Variants in PCNX2 observed in about 807,000 individuals in gnomAD.
The protein encoded by PCNX2 is pecanex-like protein 2.
PCNX2 carries 168 observed loss-of-function variants against 223.8 expected under a neutral mutation model. The ratio of observed to expected loss-of-function variants is 0.75; its 90% CI spans 0.66 to 0.85. The LOEUF (loss-of-function observed/expected upper bound fraction) is 0.85. Among genes scored for constraint, PCNX2 ranks in the 40% least tolerant of loss-of-function variants. PCNX2 has a pLI of 0.00. For missense variants in PCNX2, 2,507 were observed against 2,675.5 expected, an observed-to-expected ratio of 0.94 and a Z score of 1.39; for synonymous variants, 1,006 against 1,052.6, an observed-to-expected ratio of 0.96 and a Z score of 0.86.
At chr1:233,290,662 G>A in intron 1 of PCNX2, 3 of 821,558 alleles carry the variant, frequency 3.7e-6, no homozygotes, top group Non-Finnish European at 4.4e-6. Context: ...CTTACTATTT[G>A]CCTAGTGCTA....
At chr1:233,207,129 G>A (rs182668085) in intron 13 of PCNX2, among the ~76,000 whole-genome samples, 1 of 152,266 alleles carries the variant, frequency 6.6e-6, no homozygotes, top group African/African-American at 2.4e-5. Flanking sequence ...TTGGGCACTG[G>A]GGGAGTAAGA....
chr1:233,270,782 A>T (rs972924356), intron 1 of PCNX2, among the ~76,000 whole-genome samples: 35 of 152,144 alleles, frequency 2.3e-4, no homozygotes, highest in African/African-American at 8.0e-4. Context: ...AGAGAAATTG[A>T]TGATAGAGAG....
intron 25 of PCNX2, among the ~76,000 whole-genome samples, chr1:233,034,168 T>C (rs1243920217): frequency 6.6e-6 from 1 of 152,164 alleles, no homozygotes; most frequent in African/African-American, 2.4e-5. Flanking sequence ...GCCGAGATCG[T>C]GCCGCTGCCC....
intron 8 of PCNX2, among the ~76,000 whole-genome samples, chr1:233,248,522 C>T (rs896510264): frequency 9.9e-5 from 15 of 151,910 alleles, no homozygotes; most frequent in African/African-American, 3.6e-4. Context: ...TGTTTGAGAA[C>T]GGTGTCAAAA....
At chr1:233,094,422 G>A (rs888312386) in intron 22 of PCNX2, among the ~76,000 whole-genome samples, 1 of 152,154 alleles carries the variant, frequency 6.6e-6, no homozygotes, top group Admixed American at 6.5e-5. Flanking sequence ...ACAAGCTCAG[G>A]CTTTGCAAAC....
At chr1:233,292,287 A>G (rs1377118716) in intron 1 of PCNX2, among the ~76,000 whole-genome samples, 1 of 147,716 alleles carries the variant, frequency 6.8e-6, no homozygotes, top group Non-Finnish European at 1.5e-5. Context: ...GCTCACTGCA[A>G]CCTCTGCCTC....
chr1:233,179,333 CA>C (rs1278916349), intron 15 of PCNX2, among the ~76,000 whole-genome samples, 158 bp from the exon 16 acceptor site: 1 of 152,086 alleles, frequency 6.6e-6, no homozygotes, highest in Non-Finnish European at 1.5e-5. Flanking sequence ...GGTGGGCACA[CA>C]AAAAACTCAC....
chr1:233,025,468 C>A (rs568386341), intron 25 of PCNX2, 69 bp from the exon 26 acceptor site: 302 of 1,570,414 alleles, frequency 1.9e-4, no homozygotes, highest in Admixed American at 3.4e-4. Context: ...CAACGGATTT[C>A]CCCATGCCTT....
intron 1 of PCNX2, among the ~76,000 whole-genome samples, chr1:233,276,895 T>C (rs1467242508): frequency 6.6e-6 from 1 of 152,242 alleles, no homozygotes; most frequent in Non-Finnish European, 1.5e-5. Flanking sequence ...TTCAAGTAGC[T>C]TCCAATATAG....
Position 233,243,595 on chromosome 1 carries a change from AG to A in PCNX2, c.2223-6616del, listed in dbSNP as rs1198462850. ...AAAATCACATAAATCAACTCATAAA[AG>A]CACTAGAGGAAAGGCTTCCATCTGG... is the stretch of plus-strand genomic sequence containing the variant. On this transcript the variant is annotated intron_variant, in intron 8 of 33. Coordinates refer to ENST00000258229, the MANE Select transcript of PCNX2 (RefSeq NM_014801.4). Among the ~76,000 whole-genome samples, 5 of 152,334 alleles carry A rather than the reference AG, an allele frequency of 3.3e-5. No homozygotes were observed. The East Asian group carries it at 9.7e-4, about 29-fold the overall frequency.
intron 17 of PCNX2, among the ~76,000 whole-genome samples, chr1:233,171,189 T>C (rs946777014): frequency 6.6e-6 from 1 of 152,188 alleles, no homozygotes; most frequent in Non-Finnish European, 1.5e-5. Flanking sequence ...CTATATAGTC[T>C]TATCATGGTT....
the PCNX2 span, among the ~76,000 whole-genome samples, chr1:233,324,417 AG>A: frequency 1.3e-5 from 2 of 152,194 alleles, no homozygotes; most frequent in African/African-American, 4.8e-5. Context: ...TTTAAAGGAC[AG>A]GCTGACTCTC....
chr1:233,290,081 T>G (rs1661674905), intron 1 of PCNX2, among the ~76,000 whole-genome samples: 1 of 151,730 alleles, frequency 6.6e-6, no homozygotes, highest in Admixed American at 6.6e-5. Context: ...ATGCAAAACC[T>G]TAAATTCTAC....
chr1:232,984,335 G>A lies in PCNX2; in HGVS notation c.6383C>T (p.Ala2128Val), dbSNP rs780673427. 5.6e-6 allele frequency: 9 copies of A among 1,611,102 alleles called. 1 individual carries two copies. The highest frequency in any genetic ancestry group is 5.3e-5 in the African/African-American group (4 of 74,826). Residue 2128 changes from alanine (A) to valine (V), a missense_variant, in exon 34 of 34, where the codon GCC (alanine) becomes GTC (valine). By Grantham distance (64) the Ala-to-Val change is moderately conservative. Coordinates refer to ENST00000258229, the MANE Select transcript of PCNX2 (RefSeq NM_014801.4). ...SQEDMGLDDT[A>V]SQQSVSDEQ The stretch of plus-strand genomic sequence containing the variant: ...CTCGTCTGACACACTTTGCTGCGAG[G>A]CCGTGTCGTCCAGGCCCATGTCCTC...
intron 15 of PCNX2, among the ~76,000 whole-genome samples, chr1:233,183,943 T>C (rs1421844639): frequency 6.6e-6 from 1 of 152,230 alleles, no homozygotes; most frequent in Non-Finnish European, 1.5e-5. Context: ...CTTCCATCCT[T>C]ACATTGACTT....
In PCNX2 at chr1:233,252,517, T is replaced by A; in HGVS notation, c.1983-18A>T. 1.3e-6 allele frequency: 2 copies of A among 1,584,656 alleles called. No individual in the cohort carries two copies. The highest frequency in any genetic ancestry group is 1.7e-6 in the Non-Finnish European group (2 of 1,164,552). On this transcript the variant is annotated intron_variant, in intron 6 of 33. Coordinates refer to ENST00000258229, the MANE Select transcript of PCNX2 (RefSeq NM_014801.4). The stretch of plus-strand genomic sequence containing the variant: ...CCTGAAAACTTAACACATATAAAAG[T>A]TTCAAAAAAAATGATTAGAAGTTCC...
the PCNX2 span, among the ~76,000 whole-genome samples, chr1:233,312,438 A>T: frequency 1.3e-5 from 2 of 152,310 alleles, no homozygotes; most frequent in Non-Finnish European, 2.9e-5. Flanking sequence ...GAGAAAAATG[A>T]TCTGTAGAAG....
intron 10 of PCNX2, among the ~76,000 whole-genome samples, chr1:233,223,210 CT>C (rs552624532): frequency 2.6e-5 from 4 of 152,144 alleles, no homozygotes; most frequent in Admixed American, 6.5e-5. Flanking sequence ...GAGAAATTAA[CT>C]CTGTCAAATA....
intron 12 of PCNX2, among the ~76,000 whole-genome samples, chr1:233,216,473 C>T (rs1362366777): frequency 2.0e-5 from 3 of 152,084 alleles, no homozygotes; most frequent in Non-Finnish European, 4.4e-5. Context: ...CAGGGAAATG[C>T]AAGTTAAAAC....
Sources: gnomAD v4.1 joint callset for allele counts (sites outside exome capture counted in the v4.1 genomes callset) on GRCh38, gnomAD v4.1.1 for gene constraint, MANE v1.5 for transcripts, NCBI Gene and HGNC (gene_info 2026-07-23, HGNC 2026-07-21) for gene names.